PCDHA9: variants seen among roughly 807,000 people sequenced by gnomAD.
PCDHA9 encodes the protein protocadherin alpha 9, also known as protocadherin alpha-9.
PCDHA9 carries 62 observed loss-of-function variants against 62.0 expected under a neutral mutation model. The observed-to-expected ratio is 1.00, with a 90% confidence interval of 0.81 to 1.23. The LOEUF is 1.23. Ranked by LOEUF, PCDHA9 falls within the 50% of genes most tolerant of loss-of-function variation. The pLI is 0.00. For synonymous variants in PCDHA9, 557 were observed against 567.6 expected (o/e 0.98, Z 0.27); for missense variants, 1,205 against 1,249.8 (o/e 0.96, Z 0.54).
At chr5:140,959,591 A>C (rs2095498403) in intron 1 of PCDHA9, among the ~76,000 whole-genome samples, 1 of 152,220 alleles carries the variant, frequency 6.6e-6, no homozygotes, top group African/African-American at 2.4e-5. Context: ...CTATCAGCCA[A>C]GTATAACATG....
chr5:140,956,733 C>A (rs1412191742), intron 1 of PCDHA9, among the ~76,000 whole-genome samples: 1 of 152,172 alleles, frequency 6.6e-6, no homozygotes, highest in Non-Finnish European at 1.5e-5. Flanking sequence ...ACCAGCTCCT[C>A]TTTGTACCTC....
chr5:140,920,029 T>G (rs1584162393), intron 1 of PCDHA9, among the ~76,000 whole-genome samples: 1 of 152,118 alleles, frequency 6.6e-6, no homozygotes, highest in African/African-American at 2.4e-5. Flanking sequence ...GAGACAGAGA[T>G]TGGAGTGATG....
chr5:140,909,442 A>T (rs1345461412), intron 1 of PCDHA9, among the ~76,000 whole-genome samples: 11 of 152,234 alleles, frequency 7.2e-5, no homozygotes, highest in African/African-American at 2.7e-4. Context: ...ATCCACTGTC[A>T]TTCTCCAAGA....
At chr5:140,911,066 A>C (rs1166409987) in intron 1 of PCDHA9, among the ~76,000 whole-genome samples, 1 of 152,042 alleles carries the variant, frequency 6.6e-6, no homozygotes, top group Non-Finnish European at 1.5e-5. Flanking sequence ...GTGGGTCCTG[A>C]GGAGAATCAA....
intron 1 of PCDHA9, chr5:140,875,324 C>T (rs2055413972): frequency 3.5e-6 from 5 of 1,426,162 alleles, no homozygotes; most frequent in East Asian, 5.0e-5. Context: ...CAATCATTCA[C>T]GGAATAGGAT....
At chr5:140,970,815 A>G (rs782758365) in intron 1 of PCDHA9, among the ~76,000 whole-genome samples, 2 of 152,114 alleles carry the variant, frequency 1.3e-5, no homozygotes, top group Non-Finnish European at 2.9e-5. Flanking sequence ...TTTCAAGTTC[A>G]TGGTAATCTT....
At chr5:140,875,815 C>T (rs782785462) in intron 1 of PCDHA9, 11 of 1,614,218 alleles carry the variant, frequency 6.8e-6, no homozygotes, top group Non-Finnish European at 9.3e-6. Flanking sequence ...CAGGCCGCTG[C>T]AGGTTTTCCA....
intron 1 of PCDHA9, chr5:140,853,408 AG>A: frequency 1.0e-6 from 1 of 986,092 alleles, no homozygotes; most frequent in Middle Eastern, 5.3e-4. Flanking sequence ...CAAAACAGAG[AG>A]GTGAAAGCAG....
chr5:140,966,767 A>G, intron 1 of PCDHA9: 1 of 1,484,362 alleles, frequency 6.7e-7, no homozygotes, highest in Non-Finnish European at 8.9e-7. Context: ...GCCAGTGGCT[A>G]TGGAGCAGGC....
intron 1 of PCDHA9, chr5:140,928,158 A>T: frequency 1.2e-6 from 2 of 1,614,066 alleles, no homozygotes; most frequent in Non-Finnish European, 1.7e-6. Flanking sequence ...ATAGTGGCTC[A>T]CCCCCACTTA....
intron 1 of PCDHA9, among the ~76,000 whole-genome samples, chr5:140,942,596 A>G (rs116159999): frequency 2.2e-4 from 31 of 142,420 alleles, no homozygotes; most frequent in Admixed American, 2.0e-3. Flanking sequence ...ACATATAATT[A>G]TAGTGTTTAT....
rs1246720296 is a variant in PCDHA9, at chr5:140,996,308, AAGGGGGG to A, written c.2543-13314_2543-13308del. 2.6e-5 allele frequency among the ~76,000 whole-genome samples: 4 copies of A among 152,358 alleles called. No individual in the cohort carries two copies. The East Asian group carries it at 5.8e-4, about 22-fold the overall frequency. On this transcript the variant is annotated intron_variant, in intron 3 of 3. Coordinates refer to ENST00000532602, the MANE Select transcript of PCDHA9 (RefSeq NM_031857.2). ...CAAGAAGCACAGATTGTAACAAAGT[AAGGGGGG>A]AGGGTAGAGAAGAAAAGTTTGAAAA... is the stretch of plus-strand genomic sequence containing the variant.
intron 1 of PCDHA9, among the ~76,000 whole-genome samples, chr5:140,933,506 G>A (rs2089196836): frequency 6.6e-6 from 1 of 151,944 alleles, no homozygotes; most frequent in Non-Finnish European, 1.5e-5. Flanking sequence ...GTTAAGCAAA[G>A]ACTACAGCTG....
intron 1 of PCDHA9, chr5:140,967,227 A>G (rs1586199202): frequency 1.2e-6 from 2 of 1,613,742 alleles, no homozygotes; most frequent in Admixed American, 1.7e-5. Flanking sequence ...CCCAACTACC[A>G]GCTTCAGGTA....
chr5:140,967,786 G>A, intron 1 of PCDHA9: 1 of 1,614,216 alleles, frequency 6.2e-7, no homozygotes, highest in East Asian at 2.2e-5. Context: ...CGACTGACCG[G>A]GGTCCAGTGC....
chr5:140,925,935 CTCTTGGAG>C (rs35448813), intron 1 of PCDHA9, among the ~76,000 whole-genome samples: 7,062 of 152,190 alleles, frequency 0.046, 287 homozygotes, highest in African/African-American at 0.11. Context: ...CAAGTAGAGC[CTCTTGGAG>C]AAGGAGAAAC....
intron 3 of PCDHA9, among the ~76,000 whole-genome samples, chr5:140,998,365 A>G (rs1434602564): frequency 6.6e-6 from 1 of 152,142 alleles, no homozygotes; most frequent in African/African-American, 2.4e-5. Context: ...ACCACTGCAC[A>G]CACCGTCTCT....
At chr5:140,872,400 G>A (rs1582078480) in intron 1 of PCDHA9, among the ~76,000 whole-genome samples, 1 of 152,124 alleles carries the variant, frequency 6.6e-6, no homozygotes, top group Admixed American at 6.5e-5. Context: ...GCTGAGGCAG[G>A]AGAATTGCTT....
chr5:140,981,033 GA>G (rs148859655), intron 2 of PCDHA9, among the ~76,000 whole-genome samples: 2 of 151,612 alleles, frequency 1.3e-5, no homozygotes, highest in Admixed American at 6.6e-5. Flanking sequence ...AATATTTGGG[GA>G]AAAAAAACAG....
Sources: allele counts gnomAD v4.1 joint callset (sites outside exome capture counted in the v4.1 genomes callset), GRCh38; gene constraint gnomAD v4.1.1; transcripts MANE v1.5; gene names NCBI Gene and HGNC (gene_info 2026-07-23, HGNC 2026-07-21).